The following CNBD1 variants were observed in gnomAD, a reference collection of about 807,000 sequenced individuals.
CNBD1 encodes the protein cyclic nucleotide-binding domain-containing protein 1.
Under a neutral mutation model 54.4 loss-of-function variants are expected in CNBD1, and 71 were observed. That is an observed-to-expected ratio of 1.30 (90% CI 1.08 to 1.59). The LOEUF (loss-of-function observed/expected upper bound fraction) is 1.59, where lower values mean the gene tolerates loss of function less well. Among genes scored for constraint, CNBD1 ranks in the 40% most tolerant of loss-of-function variants. The probability of loss-of-function intolerance (pLI) is 0.00; values close to 1 mark genes in which losing one functional copy is unlikely to be tolerated. For missense variants in CNBD1, 659 were observed against 518.0 expected (o/e 1.27, Z -2.64); for synonymous variants, 182 against 170.7 (o/e 1.07, Z -0.51).
At chr8:87,366,953 A>C (rs2130942965) in intron 10 of CNBD1, among the ~76,000 whole-genome samples, 1 of 152,142 alleles carries the variant, frequency 6.6e-6, no homozygotes, top group East Asian at 1.9e-4. Context: ...GATATCCCTT[A>C]ATATTGGGGA....
chr8:87,372,825 CT>C (rs1357007323), intron 10 of CNBD1, among the ~76,000 whole-genome samples: 3 of 151,840 alleles, frequency 2.0e-5, no homozygotes, highest in Middle Eastern at 3.4e-3. Flanking sequence ...GTAAACTATG[CT>C]TCCTTTTTAT....
chr8:86,986,740 G>A (rs1241377151), intron 4 of CNBD1, among the ~76,000 whole-genome samples: 1 of 152,134 alleles, frequency 6.6e-6, no homozygotes, highest in East Asian at 1.9e-4. Context: ...TGGATAGCGA[G>A]TTATTCCAGC....
At chr8:87,426,633 A>C (rs989660149) in intron 2 of CNBD1, among the ~76,000 whole-genome samples, 1 of 152,220 alleles carries the variant, frequency 6.6e-6, no homozygotes, top group African/African-American at 2.4e-5. Flanking sequence ...AATTTTCCTG[A>C]GACATCAATT....
At position 87,163,916 on chromosome 8, in the gene CNBD1, A is replaced by G. The variant is rs1364640583; in HGVS notation, c.432-42077A>G. ...TTTCCACATTTTACTGCTGAGTCTA[A>G]AGTTAGAGGTGGTCCTGTGATATAT... On this transcript the variant is annotated intron_variant, in intron 4 of 10. Transcript: ENST00000518476. This position sits in a 1 kb window ranked among gnomAD's most constrained non-coding sequence, Gnocchi z 4.5. 2.0e-5 allele frequency among the ~76,000 whole-genome samples: 3 copies of G among 151,866 alleles called. No individual in the cohort carries two copies. The highest frequency in any genetic ancestry group is 4.4e-5 in the Non-Finnish European group (3 of 67,868).
intron 10 of CNBD1, among the ~76,000 whole-genome samples, chr8:87,375,509 A>G (rs1810908565): frequency 6.6e-6 from 1 of 151,856 alleles, no homozygotes; most frequent in Non-Finnish European, 1.5e-5. Context: ...TACAATAACC[A>G]TCTTTTCCGA....
intron 2 of CNBD1, among the ~76,000 whole-genome samples, chr8:87,426,818 C>T (rs545137396): frequency 1.2e-4 from 18 of 152,174 alleles, no homozygotes; most frequent in Admixed American, 3.9e-4. Context: ...TTGTGTATCC[C>T]ATTGACAGAC....
intron 3 of CNBD1, among the ~76,000 whole-genome samples, chr8:86,927,087 A>G (rs567516849): frequency 6.6e-5 from 10 of 152,150 alleles, no homozygotes; most frequent in Non-Finnish European, 1.2e-4. Flanking sequence ...CTGGGTAGAC[A>G]GAACTGGTTG....
At chr8:86,923,173 G>A (rs540076094) in intron 3 of CNBD1, among the ~76,000 whole-genome samples, 5 of 152,280 alleles carry the variant, frequency 3.3e-5, no homozygotes, top group East Asian at 1.9e-4. Context: ...GAGTGGACCC[G>A]AGCAGGCGGC....
chr8:87,090,590 A>C (rs995366222), intron 4 of CNBD1, among the ~76,000 whole-genome samples: 2 of 151,884 alleles, frequency 1.3e-5, no homozygotes, highest in Non-Finnish European at 2.9e-5. Flanking sequence ...TGGTTTTTCC[A>C]AAAGCTATCT....
chr8:87,140,052 G>GA (rs941849686), intron 4 of CNBD1, among the ~76,000 whole-genome samples: 47 of 151,116 alleles, frequency 3.1e-4, no homozygotes, highest in Middle Eastern at 3.4e-3. Flanking sequence ...AAATGAAAAG[G>GA]AAAAAAAAAT....
At chr8:87,156,999 C>T (rs974629406) in intron 4 of CNBD1, among the ~76,000 whole-genome samples, 1 of 152,100 alleles carries the variant, frequency 6.6e-6, no homozygotes, top group Non-Finnish European at 1.5e-5. Flanking sequence ...TTCTAAGGCA[C>T]AGAGCTAAAT....
intron 5 of CNBD1, among the ~76,000 whole-genome samples, chr8:87,228,437 G>C (rs937769091): frequency 8.7e-5 from 13 of 148,852 alleles, no homozygotes; most frequent in Non-Finnish European, 1.6e-4. Flanking sequence ...TGTCCTTTCT[G>C]TTTGTTAGTT....
rs574884334 is a variant in CNBD1 at position 87,157,499 on chromosome 8, C to T, written c.432-48494C>T. Among the ~76,000 whole-genome samples the T allele has an allele frequency of 1.2e-3, 180 of 152,218 alleles. 3 individuals are homozygous for T. In the South Asian group the frequency reaches 0.016, roughly 14 times the overall value. The stretch of plus-strand genomic sequence containing the variant: ...TTATGACTGTCCTGTTACTTGGAGT[C>T]GTTGACAACTGACTAAACATAGGGA... On this transcript the variant is annotated intron_variant, in intron 4 of 10. Coordinates refer to ENST00000518476, the MANE Select transcript of CNBD1 (RefSeq NM_173538.3).
chr8:87,366,467 A>C (rs1274735601), intron 10 of CNBD1, among the ~76,000 whole-genome samples: 2 of 152,024 alleles, frequency 1.3e-5, no homozygotes, highest in African/African-American at 4.8e-5. Context: ...CTCGTTTTGA[A>C]TCTTTCTCTT....
At chr8:87,008,061 A>C (rs541653505) in intron 4 of CNBD1, among the ~76,000 whole-genome samples, 1 of 152,298 alleles carries the variant, frequency 6.6e-6, no homozygotes, top group African/African-American at 2.4e-5. Flanking sequence ...GACATTTTAC[A>C]TTGAAGTTTT....
At chr8:86,957,687 AT>A (rs1353153542) in intron 4 of CNBD1, among the ~76,000 whole-genome samples, 5 of 152,002 alleles carry the variant, frequency 3.3e-5, no homozygotes, top group African/African-American at 4.8e-5. Context: ...CCCCTTTATC[AT>A]TTTTTATTGC....
At chr8:87,260,046 C>G (rs1288852330) in intron 6 of CNBD1, among the ~76,000 whole-genome samples, 1 of 152,118 alleles carries the variant, frequency 6.6e-6, no homozygotes, top group African/African-American at 2.4e-5. Flanking sequence ...ATTTTTTAAG[C>G]TGAGAATCAA....
intron 5 of CNBD1, among the ~76,000 whole-genome samples, chr8:87,227,761 G>C (rs1039567186): frequency 6.7e-6 from 1 of 149,730 alleles, no homozygotes; most frequent in African/African-American, 2.5e-5. Flanking sequence ...GGCGTTCTCT[G>C]TATTTCCTGA....
chr8:87,364,882 C>T (rs982427260), intron 10 of CNBD1, among the ~76,000 whole-genome samples: 10 of 152,046 alleles, frequency 6.6e-5, no homozygotes, highest in African/African-American at 2.4e-4. Flanking sequence ...TTTCTTTATC[C>T]AGTCTATTGT....
Sources: allele counts gnomAD v4.1 joint callset (sites outside exome capture counted in the v4.1 genomes callset), GRCh38; gene constraint gnomAD v4.1.1; non-coding constraint Gnocchi (gnomAD v3.1); transcripts MANE v1.5; gene names NCBI Gene and HGNC (gene_info 2026-07-23, HGNC 2026-07-21).